Variants in NSMCE2 observed in about 807,000 individuals in gnomAD.
NSMCE2 encodes NSE2 SUMO ligase component of SMC5/6 complex, also known as E3 SUMO-protein ligase NSE2.
NSMCE2 carries 24 observed loss-of-function variants against 23.8 expected under a neutral mutation model. That is an observed-to-expected ratio of 1.01 (90% CI 0.73 to 1.42). The LOEUF (loss-of-function observed/expected upper bound fraction) is 1.42, where lower values mean the gene tolerates loss of function less well. Ranked by LOEUF, NSMCE2 falls within the 40% of genes most tolerant of loss-of-function variation. NSMCE2 has a pLI of 0.00. For missense variants in NSMCE2, 284 were observed against 296.5 expected (o/e 0.96, Z 0.31); for synonymous variants, 92 against 94.1 (o/e 0.98, Z 0.13).
At chr8:125,122,834 A>G (rs1407584340) in intron 3 of NSMCE2, among the ~76,000 whole-genome samples, 2 of 152,114 alleles carry the variant, frequency 1.3e-5, no homozygotes, top group East Asian at 1.9e-4. Flanking sequence ...AAGACCAGTT[A>G]ATAATATCCT....
intron 5 of NSMCE2, among the ~76,000 whole-genome samples, chr8:125,279,859 A>G (rs1382199571): frequency 2.0e-5 from 3 of 152,210 alleles, no homozygotes; most frequent in Non-Finnish European, 4.4e-5. Context: ...AGAAGGTGGC[A>G]TTATTTTCAT....
chr8:125,160,855 C>T (rs1488183671), intron 4 of NSMCE2, among the ~76,000 whole-genome samples: 1 of 152,174 alleles, frequency 6.6e-6, no homozygotes, highest in East Asian at 1.9e-4. Context: ...AACTATCTTG[C>T]TTACATCTTT....
intron 5 of NSMCE2, among the ~76,000 whole-genome samples, chr8:125,237,611 G>A (rs75123658): frequency 3.9e-5 from 6 of 152,194 alleles, no homozygotes; most frequent in African/African-American, 1.4e-4. Context: ...GAGTAATTCA[G>A]TTATGCCCTA....
intron 4 of NSMCE2, among the ~76,000 whole-genome samples, chr8:125,168,803 C>T (rs774459604): frequency 4.0e-4 from 61 of 152,162 alleles, no homozygotes; most frequent in Non-Finnish European, 7.9e-4. Context: ...AACGCTTGTT[C>T]TTTTTGTTAC....
intron 5 of NSMCE2, among the ~76,000 whole-genome samples, chr8:125,338,796 T>C (rs767938944): frequency 6.6e-6 from 1 of 152,340 alleles, no homozygotes; most frequent in Middle Eastern, 3.4e-3. Context: ...ATAAATATGG[T>C]ATGCATGATG....
intron 3 of NSMCE2, among the ~76,000 whole-genome samples, chr8:125,108,013 A>G (rs550724128): frequency 3.3e-5 from 5 of 150,546 alleles, no homozygotes; most frequent in Admixed American, 3.3e-4. Context: ...CAGCCTGGGC[A>G]ACAGGGCCAG....
intron 5 of NSMCE2, among the ~76,000 whole-genome samples, chr8:125,337,767 T>C (rs1000958280): frequency 6.6e-6 from 1 of 151,410 alleles, no homozygotes; most frequent in African/African-American, 2.4e-5. Flanking sequence ...TGGTGGCACA[T>C]GGCTGTAATC....
chr8:125,114,879 T>G (rs377725636), intron 3 of NSMCE2, among the ~76,000 whole-genome samples: 2 of 152,236 alleles, frequency 1.3e-5, no homozygotes, highest in African/African-American at 4.8e-5. Flanking sequence ...TAAGGGTTCT[T>G]TAGGTAAATA....
intron 5 of NSMCE2, among the ~76,000 whole-genome samples, chr8:125,247,697 C>G (rs1826046609): frequency 6.7e-6 from 1 of 149,002 alleles, no homozygotes; most frequent in Non-Finnish European, 1.5e-5. Context: ...TGTACTCCCA[C>G]TGGACAACAA....
chr8:125,153,496 CT>C lies in NSMCE2; in HGVS notation c.264+2221del, dbSNP rs1453717213. Among the ~76,000 whole-genome samples the C allele has an allele frequency of 5.3e-5, 8 of 152,224 alleles. No individual in the cohort carries two copies. In the East Asian group the frequency reaches 1.5e-3, roughly 29 times the overall value. On this transcript the variant is annotated intron_variant, in intron 4 of 7. Coordinates refer to ENST00000287437, the MANE Select transcript of NSMCE2 (RefSeq NM_173685.4). ...GAAATGTTTTACATCACTTTATGTA[CT>C]TGAAGCTAAGGATACTGCTATCTTA...
chr8:125,123,582 A>G (rs987384645), intron 3 of NSMCE2, among the ~76,000 whole-genome samples: 6 of 152,252 alleles, frequency 3.9e-5, no homozygotes, highest in Non-Finnish European at 8.8e-5. Flanking sequence ...GCTAACCCAC[A>G]TGTGTACATG....
At chr8:125,169,483 G>A (rs960223495) in intron 4 of NSMCE2, among the ~76,000 whole-genome samples, 9 of 152,112 alleles carry the variant, frequency 5.9e-5, no homozygotes, top group Non-Finnish European at 1.3e-4. Flanking sequence ...CTGTAACTTC[G>A]TAAATGGTAA....
chr8:125,322,682 T>C (rs368547100), intron 5 of NSMCE2, among the ~76,000 whole-genome samples: 53 of 152,176 alleles, frequency 3.5e-4, no homozygotes, highest in African/African-American at 1.2e-3. Context: ...AATTTGCAGA[T>C]AACATGATCA....
rs201789660 is a variant in NSMCE2 at position 125,250,334 on chromosome 8, A to T, written c.418+68078A>T. Among the ~76,000 whole-genome samples the T allele has an allele frequency of 2.0e-3, 175 of 87,172 alleles. 3 individuals are homozygous for T. In the South Asian group the frequency reaches 0.028, roughly 14 times the overall value. The allele number at this position is 87,172 out of a possible 152,430, so 57.2% of individuals were successfully genotyped here. A position where few individuals can be genotyped will look rare whatever the true frequency, so the allele number is the denominator to read the frequency against. On this transcript the variant is annotated intron_variant, in intron 5 of 7. Transcript: ENST00000287437. ...AGATAGTTATAATGTTTTTCTTTTT[A>T]AAAAAAAAGCATCCTTTCATCCACC...
At chr8:125,358,912 C>T (rs1020210811) in intron 7 of NSMCE2, among the ~76,000 whole-genome samples, 3 of 152,124 alleles carry the variant, frequency 2.0e-5, no homozygotes, top group African/African-American at 4.8e-5. Flanking sequence ...CTAATGGTTG[C>T]AAAATGTAGA....
chr8:125,262,976 T>C (rs374957855), intron 5 of NSMCE2, among the ~76,000 whole-genome samples: 6 of 152,306 alleles, frequency 3.9e-5, no homozygotes, highest in African/African-American at 1.4e-4. Context: ...TTGAACTAGA[T>C]CTATATGTTT....
chr8:125,293,528 ATCCACTC>A (rs1828198875), intron 5 of NSMCE2, among the ~76,000 whole-genome samples: 1 of 134,514 alleles, frequency 7.4e-6, no homozygotes, highest in Admixed American at 7.0e-5. Context: ...ATCACTGAGC[ATCCACTC>A]TGTGGAAAGC....
At chr8:125,186,313 C>T (rs77494437) in intron 5 of NSMCE2, among the ~76,000 whole-genome samples, 6,231 of 152,250 alleles carry the variant, frequency 0.041, 422 homozygotes, top group African/African-American at 0.14. Context: ...GCAAAACTTA[C>T]CGTATTTATT....
At chr8:125,172,076 A>C (rs1822247174) in intron 4 of NSMCE2, among the ~76,000 whole-genome samples, 1 of 152,236 alleles carries the variant, frequency 6.6e-6, no homozygotes, top group South Asian at 2.1e-4. Context: ...TTATAGATGA[A>C]GAAATTGATT....
Sources: allele counts gnomAD v4.1 joint callset (sites outside exome capture counted in the v4.1 genomes callset), GRCh38; gene constraint gnomAD v4.1.1; transcripts MANE v1.5; gene names NCBI Gene and HGNC (gene_info 2026-07-23, HGNC 2026-07-21).